EMB: variants seen among roughly 807,000 people sequenced by gnomAD.
EMB encodes the protein embigin, also known as embigin homolog.
EMB carries 31 observed loss-of-function variants against 41.4 expected under a neutral mutation model. That is an observed-to-expected ratio of 0.75 (90% confidence interval 0.56 to 1.01). The LOEUF (loss-of-function observed/expected upper bound fraction) is 1.01, where lower values mean the gene tolerates loss of function less well. Among genes scored for constraint, EMB ranks in the 50% least tolerant of loss-of-function variants. The pLI is 0.00. For missense variants in EMB, 379 were observed against 388.3 expected, an observed-to-expected ratio of 0.98 and a Z score of 0.20; for synonymous variants, 137 against 140.4, an observed-to-expected ratio of 0.98 and a Z score of 0.17.
chr5:50,407,421 C>T (rs1183017233), intron 4 of EMB, among the ~76,000 whole-genome samples: 1 of 151,854 alleles, frequency 6.6e-6, no homozygotes, highest in Non-Finnish European at 1.5e-5. Flanking sequence ...TTAAACCATC[C>T]CAACTAAATA....
At chr5:50,411,525 A>C (rs1218619837) in intron 2 of EMB, 142 bp from the exon 3 acceptor site, 1 of 610,796 alleles carries the variant, frequency 1.6e-6, no homozygotes, top group Non-Finnish European at 2.7e-6. Flanking sequence ...CTCTATCAAC[A>C]TAGTTGGTTC....
chr5:50,423,046 C>T (rs1294257048), intron 2 of EMB, among the ~76,000 whole-genome samples: 8 of 151,000 alleles, frequency 5.3e-5, no homozygotes. Context: ...CAACTAGGGT[C>T]CATTAGGAAA....
intron 6 of EMB, 37 bp downstream of exon 6, chr5:50,403,141 T>C (rs1745192107): frequency 6.7e-7 from 1 of 1,483,746 alleles, no homozygotes. Flanking sequence ...GATAATACTT[T>C]CTAAAAAAAA....
chr5:50,436,605 C>G (rs1745807082), intron 1 of EMB, among the ~76,000 whole-genome samples: 1 of 152,228 alleles, frequency 6.6e-6, no homozygotes, highest in African/African-American at 2.4e-5. Flanking sequence ...CCTTGTTAAA[C>G]TTGCTCAACT....
rs544245047 is a variant in EMB, at chr5:50,401,864, AT to A, written c.911+421del. Among the ~76,000 whole-genome samples, 178 of 151,966 alleles carry A rather than the reference AT, an allele frequency of 1.2e-3. 1 individual carries two copies. Among genetic ancestry groups the A allele is most frequent in the African/African-American group, 4.0e-3 (166 of 41,420 alleles). Reference sequence around the variant, plus strand: ...GATTCAGCAAGGTCTGAGCAACTGTATTTTTTTAAAGAGGCTCTTAAGTGAT... The same window carrying A: ...GATTCAGCAAGGTCTGAGCAACTGTATTTTTTAAAGAGGCTCTTAAGTGAT... On this transcript the variant is annotated intron_variant, in intron 7 of 8. Transcript: ENST00000303221.
In EMB at chr5:50,397,592, G is replaced by T. The variant is rs1312799542; in HGVS notation, c.*1681C>A. The T allele has an allele frequency of 2.0e-5, 3 of 152,056 alleles. No individual in the cohort carries two copies. The South Asian group carries it at 6.2e-4, about 32-fold the overall frequency. The allele number at this position is 152,056 out of a possible 1,614,324, so 9.4% of individuals were successfully genotyped here. ...TTGAATTGTATTTAGTCAAACAGCA[G>T]ATTTGACTAATATTTCCCTGAATTC... On this transcript the variant is annotated 3_prime_UTR_variant, in exon 9 of 9. Transcript: ENST00000303221.
intron 2 of EMB, among the ~76,000 whole-genome samples, chr5:50,414,019 G>A (rs1231485596): frequency 6.6e-6 from 1 of 152,056 alleles, no homozygotes; most frequent in Non-Finnish European, 1.5e-5. Flanking sequence ...ATGCATACCT[G>A]GGTAATAAAG....
At chr5:50,413,218 C>T (rs954935236) in intron 2 of EMB, among the ~76,000 whole-genome samples, 1 of 152,214 alleles carries the variant, frequency 6.6e-6, no homozygotes, top group Non-Finnish European at 1.5e-5. Flanking sequence ...AATAAACGTT[C>T]TCTTTATAGA....
Position 50,402,192 on chromosome 5 carries a change from C to T in EMB, c.911+94G>A, listed in dbSNP as rs1579719601. The T allele has an allele frequency of 1.5e-5, 20 of 1,325,542 alleles. No homozygotes were observed. In the South Asian group the frequency reaches 2.0e-4, roughly 14 times the overall value. The allele number at this position is 1,325,542 out of a possible 1,614,324, so 82.1% of individuals were successfully genotyped here. A position where few individuals can be genotyped will look rare whatever the true frequency, so the allele number is the denominator to read the frequency against. On this transcript the variant is annotated intron_variant, in intron 7 of 8. Transcript: ENST00000303221. ...GACATATACAGAAAATACTCCTCTGCCTTTTCTCCCCCTAACTGCAAACAT... is the reference window on the plus strand; with the variant it reads ...GACATATACAGAAAATACTCCTCTGTCTTTTCTCCCCCTAACTGCAAACAT...
chr5:50,412,439 G>A (rs1031424009), intron 2 of EMB, among the ~76,000 whole-genome samples: 1 of 152,110 alleles, frequency 6.6e-6, no homozygotes, highest in African/African-American at 2.4e-5. Context: ...GAGCAATAGG[G>A]AGAATGGAGT....
At chr5:50,427,037 G>A (rs1377279863) in intron 2 of EMB, among the ~76,000 whole-genome samples, 1 of 151,928 alleles carries the variant, frequency 6.6e-6, no homozygotes, top group Non-Finnish European at 1.5e-5. Context: ...ATGACTCTAA[G>A]ACTAATTTAC....
chr5:50,410,408 T>A (rs1007033167), intron 4 of EMB, among the ~76,000 whole-genome samples: 5 of 152,138 alleles, frequency 3.3e-5, no homozygotes, highest in African/African-American at 1.2e-4. Context: ...ACCTCCTTAC[T>A]TGGTGAGATA....
At chr5:50,430,396 T>C (rs191773304) in intron 1 of EMB, among the ~76,000 whole-genome samples, 1 of 152,328 alleles carries the variant, frequency 6.6e-6, no homozygotes, top group East Asian at 1.9e-4. Flanking sequence ...TCATTTATTA[T>C]TATGGTTCAC....
chr5:50,403,433 T>C lies in EMB; in HGVS notation c.622A>G (p.Asn208Asp). The change falls in exon 6 of 9, where the codon AAT becomes GAT. Residue 208 changes from asparagine to aspartate, a missense_variant. By Grantham distance (23) the Asn-to-Asp change is conservative. Coordinates refer to ENST00000303221, the MANE Select transcript of EMB (RefSeq NM_198449.3). ...SVKVPVGVQM[N>D]KYVINGTYAN... ...TATGTTCCATTGATCACATATTTAT[T>C]CATTTGAACACCAACAGGAACCTAA... 8.1e-6 allele frequency: 13 copies of C among 1,612,234 alleles called. No homozygotes were observed. The highest frequency in any genetic ancestry group is 1.0e-5 in the Non-Finnish European group (12 of 1,178,838).
chr5:50,438,435 G>C (rs1745841785), intron 1 of EMB, among the ~76,000 whole-genome samples: 1 of 152,160 alleles, frequency 6.6e-6, no homozygotes, highest in African/African-American at 2.4e-5. Flanking sequence ...AGAAGAATTA[G>C]GGATACCCAG....
At position 50,399,905 on chromosome 5, in the gene EMB, T is replaced by C. The variant is rs754221548; in HGVS notation, c.920A>G (p.Asp307Gly). 2 of 1,604,704 alleles carry C rather than the reference T, an allele frequency of 1.2e-6. No homozygotes were observed. Among genetic ancestry groups the C allele is most frequent in the South Asian group, 1.1e-5 (1 of 89,242 alleles). The change falls in exon 8 of 9, where the codon GAT becomes GGT. Residue 307 changes from aspartate to glycine, a missense_variant. Coordinates refer to ENST00000303221, the MANE Select transcript of EMB (RefSeq NM_198449.3). ...EFEQIEQLKS[D>G]DSNGIENNVP... ...ATTATTTTCTATACCATTGCTATCA[T>C]CTGATTTCCTGCACAGAAAACAAAA... is the stretch of plus-strand genomic sequence containing the variant.
chr5:50,415,759 C>A (rs1745418943), intron 2 of EMB, among the ~76,000 whole-genome samples: 1 of 152,126 alleles, frequency 6.6e-6, no homozygotes, highest in Non-Finnish European at 1.5e-5. Flanking sequence ...AACTCTCAAA[C>A]ATATTAAATT....
intron 7 of EMB, among the ~76,000 whole-genome samples, 164 bp from the exon 8 acceptor site, chr5:50,400,077 C>T (rs1745136607): frequency 6.6e-6 from 1 of 151,960 alleles, no homozygotes; most frequent in Non-Finnish European, 1.5e-5. Flanking sequence ...TATTTTATGG[C>T]ATTGCTTGAA....
intron 5 of EMB, among the ~76,000 whole-genome samples, chr5:50,404,060 G>C (rs13182357): frequency 0.32 from 48,923 of 151,694 alleles, 8,190 homozygotes; most frequent in East Asian, 0.45. Context: ...ACTCAGATAA[G>C]CTGGCTTCTA....
Sources: gnomAD v4.1 joint callset for allele counts (sites outside exome capture counted in the v4.1 genomes callset) on GRCh38, gnomAD v4.1.1 for gene constraint, MANE v1.5 for transcripts, NCBI Gene and HGNC (gene_info 2026-07-23, HGNC 2026-07-21) for gene names.